Variants in CACNA1C observed in about 807,000 individuals in gnomAD.
CACNA1C encodes the protein calcium voltage-gated channel subunit alpha1 C, also known as voltage-dependent L-type calcium channel subunit alpha-1C.
Under a neutral mutation model 229.0 loss-of-function variants are expected in CACNA1C, and 30 were observed. The observed-to-expected ratio is 0.13, with a 90% confidence interval of 0.10 to 0.18. CACNA1C has a LOEUF of 0.18. Among genes scored for constraint, CACNA1C ranks in the 10% least tolerant of loss-of-function variants. CACNA1C has a pLI of 1.00. For synonymous variants in CACNA1C, 1,114 were observed against 1,132.5 expected, an observed-to-expected ratio of 0.98 and a Z score of 0.33; for missense variants, 1,658 against 2,845.0, an observed-to-expected ratio of 0.58 and a Z score of 9.49.
chr12:2,168,125 C>T (rs1210888407), intron 3 of CACNA1C, among the ~76,000 whole-genome samples: 10 of 152,052 alleles, frequency 6.6e-5, no homozygotes, highest in Admixed American at 6.6e-4. Flanking sequence ...ATATGCACAG[C>T]TTAAAGAAAG....
At chr12:2,390,580 T>G (rs1020016976) in intron 3 of CACNA1C, among the ~76,000 whole-genome samples, 1 of 152,140 alleles carries the variant, frequency 6.6e-6, no homozygotes, top group Non-Finnish European at 1.5e-5. Flanking sequence ...ATGGACGAAG[T>G]GCTTTGGGAA....
intron 3 of CACNA1C, among the ~76,000 whole-genome samples, chr12:2,182,825 G>C (rs1417627113): frequency 6.6e-6 from 1 of 152,124 alleles, no homozygotes; most frequent in Admixed American, 6.5e-5. Flanking sequence ...CAGCGGCTCA[G>C]GGAAGGGGCG....
intron 3 of CACNA1C, among the ~76,000 whole-genome samples, chr12:2,437,540 G>C (rs1481838373): frequency 2.6e-5 from 4 of 152,230 alleles, no homozygotes; most frequent in Admixed American, 2.6e-4. Flanking sequence ...CTATATTGGA[G>C]ATAGTTTTTA....
At chr12:2,085,977 A>G (rs191835441) in intron 1 of CACNA1C, among the ~76,000 whole-genome samples, 1 of 152,222 alleles carries the variant, frequency 6.6e-6, no homozygotes, top group East Asian at 1.9e-4. Flanking sequence ...CTTCTAGTCA[A>G]CTGACTTCTA....
chr12:2,298,376 G>A (rs1201719834), intron 3 of CACNA1C, among the ~76,000 whole-genome samples: 3 of 152,108 alleles, frequency 2.0e-5, no homozygotes, highest in Non-Finnish European at 4.4e-5. Context: ...TCGGCTCACC[G>A]CAACCTCTGC....
intron 3 of CACNA1C, among the ~76,000 whole-genome samples, chr12:2,259,354 A>T (rs565780763): frequency 6.6e-6 from 1 of 152,216 alleles, no homozygotes; most frequent in African/African-American, 2.4e-5. Context: ...GCTGCAAGCC[A>T]CTCTTTATTT....
chr12:2,435,401 G>A (rs867462890), intron 3 of CACNA1C, among the ~76,000 whole-genome samples: 22 of 152,352 alleles, frequency 1.4e-4, no homozygotes, highest in African/African-American at 3.4e-4. Flanking sequence ...CCCAAAGGCA[G>A]GGGAAGCATC....
At chr12:2,661,620 G>A (rs2095745700) in intron 34 of CACNA1C, among the ~76,000 whole-genome samples, 1 of 152,132 alleles carries the variant, frequency 6.6e-6, no homozygotes, top group African/African-American at 2.4e-5. Context: ...ACAGAAAGAT[G>A]TAGAAAACCT....
intron 30 of CACNA1C, among the ~76,000 whole-genome samples, chr12:2,636,246 C>T (rs2092648574): frequency 6.6e-6 from 1 of 152,246 alleles, no homozygotes; most frequent in Non-Finnish European, 1.5e-5. Flanking sequence ...AAGGTGACCG[C>T]AAGCTGCCCC....
intron 3 of CACNA1C, among the ~76,000 whole-genome samples, chr12:2,222,771 G>A (rs937990741): frequency 5.3e-5 from 8 of 152,240 alleles, no homozygotes; most frequent in African/African-American, 1.9e-4. Context: ...CGGCTCTCAA[G>A]TGAGGAGTGC....
In CACNA1C at chr12:2,677,632, C is replaced by T. The variant is rs1249460867; in HGVS notation, c.4957-101C>T. On this transcript the variant is annotated intron_variant, in intron 40 of 46. Coordinates refer to ENST00000399655, the MANE Select transcript of CACNA1C (RefSeq NM_000719.7). This position sits in a 1 kb window ranked among gnomAD's most constrained non-coding sequence, Gnocchi z 7.4. ...GGGTCGACTGGCTGGGTGGAGGATG[C>T]CAGGGCCCTGGAGGGACAGGTCTTG... 7 of 1,361,556 alleles carry T rather than the reference C, an allele frequency of 5.1e-6. No individual in the cohort carries two copies. The highest frequency in any genetic ancestry group is 1.4e-5 in the African/African-American group (1 of 69,656). The allele number at this position is 1,361,556 out of a possible 1,614,324, so 84.3% of individuals were successfully genotyped here.
intron 3 of CACNA1C, among the ~76,000 whole-genome samples, chr12:2,257,181 C>T (rs149281411): frequency 5.2e-4 from 79 of 152,200 alleles, no homozygotes; most frequent in African/African-American, 1.8e-3. Context: ...CGTCCAGGCC[C>T]GGAAGTTGTG....
At chr12:2,112,424 T>C (rs1360461522) in intron 1 of CACNA1C, among the ~76,000 whole-genome samples, 1 of 127,682 alleles carries the variant, frequency 7.8e-6, no homozygotes, top group Admixed American at 8.3e-5. Flanking sequence ...GTAGGGAGTG[T>C]CACGTCCTCC....
intron 7 of CACNA1C, among the ~76,000 whole-genome samples, chr12:2,496,545 A>G (rs931887769): frequency 7.6e-4 from 115 of 152,254 alleles, no homozygotes; most frequent in African/African-American, 2.2e-3. Context: ...AGATGGCAGC[A>G]CTTGCTTCCA....
Position 2,403,531 on chromosome 12 carries a change from C to G in CACNA1C, c.478-45445C>G, listed in dbSNP as rs149682834. 2.3e-3 allele frequency among the ~76,000 whole-genome samples: 355 copies of G among 152,284 alleles called. No individual in the cohort carries two copies. Among genetic ancestry groups the G allele is most frequent in the African/African-American group, 8.2e-3 (342 of 41,564 alleles). On this transcript the variant is annotated intron_variant, in intron 3 of 46. Transcript: ENST00000399655. The surrounding 1 kb of genome is among the most constrained non-coding windows in gnomAD (Gnocchi z 4.1). ...CCCAAGGCTGCTTTTCCTTTCCTTTCTTTTTTTAAAATTCTTTAATTAAAC... is the reference window on the plus strand; with the variant it reads ...CCCAAGGCTGCTTTTCCTTTCCTTTGTTTTTTTAAAATTCTTTAATTAAAC...
chr12:2,643,437 C>T (rs532000959), intron 30 of CACNA1C, among the ~76,000 whole-genome samples: 13 of 152,256 alleles, frequency 8.5e-5, no homozygotes, highest in East Asian at 5.8e-4. Flanking sequence ...ACTACGCATA[C>T]CTCATTCATT....
intron 3 of CACNA1C, among the ~76,000 whole-genome samples, chr12:2,200,513 G>A (rs879715874): frequency 6.6e-5 from 10 of 152,308 alleles, no homozygotes; most frequent in Admixed American, 3.9e-4. Context: ...AGAATCATCT[G>A]GCACAAAATG....
At chr12:2,627,452 A>T (rs12813888) in intron 29 of CACNA1C, among the ~76,000 whole-genome samples, 13 of 151,834 alleles carry the variant, frequency 8.6e-5, no homozygotes, top group Admixed American at 8.5e-4. Flanking sequence ...GCCAGCTGCC[A>T]GTGGGACCCA....
At chr12:2,276,290 T>A (rs944621501) in intron 3 of CACNA1C, among the ~76,000 whole-genome samples, 2 of 152,222 alleles carry the variant, frequency 1.3e-5, no homozygotes, top group African/African-American at 4.8e-5. Context: ...GTTTCAGGAT[T>A]GGAGCAGACA....
Sources: gnomAD v4.1 joint callset for allele counts (sites outside exome capture counted in the v4.1 genomes callset) on GRCh38, gnomAD v4.1.1 for gene constraint, Gnocchi (gnomAD v3.1) non-coding constraint, MANE v1.5 for transcripts, NCBI Gene and HGNC (gene_info 2026-07-23, HGNC 2026-07-21) for gene names.